Variants in LRRC17 observed in about 807,000 individuals in gnomAD.
The protein encoded by LRRC17 is leucine-rich repeat-containing protein 17.
LRRC17 carries 33 observed loss-of-function variants against 41.5 expected under a neutral mutation model. That is an observed-to-expected ratio of 0.80 (90% CI 0.60 to 1.06). The LOEUF (loss-of-function observed/expected upper bound fraction) is 1.06. LRRC17 is among the 50% of genes least tolerant of loss of function. LRRC17 has a pLI of 0.00. For synonymous variants in LRRC17, 192 were observed against 197.0 expected, an observed-to-expected ratio of 0.97 and a Z score of 0.21; for missense variants, 491 against 519.3, an observed-to-expected ratio of 0.95 and a Z score of 0.53.
intron 3 of LRRC17, among the ~76,000 whole-genome samples, chr7:102,940,680 G>C (rs960779670): frequency 6.6e-6 from 1 of 152,284 alleles, no homozygotes; most frequent in African/African-American, 2.4e-5. Flanking sequence ...TCTAGATCAA[G>C]ACCAATTCTC....
intron 1 of LRRC17, among the ~76,000 whole-genome samples, chr7:102,932,697 C>T (rs754525209): frequency 4.9e-4 from 74 of 152,112 alleles, no homozygotes; most frequent in Non-Finnish European, 9.4e-4. Context: ...CAGGCTCAGG[C>T]GATCCTTTCA....
intron 1 of LRRC17, among the ~76,000 whole-genome samples, chr7:102,913,834 A>T (rs1220381881): frequency 6.6e-6 from 1 of 152,244 alleles, no homozygotes; most frequent in East Asian, 1.9e-4. Context: ...TTAAGCATGG[A>T]TTAAGAAGAC....
chr7:102,914,440 G>C (rs1274142293), intron 1 of LRRC17, among the ~76,000 whole-genome samples: 1 of 152,166 alleles, frequency 6.6e-6, no homozygotes, highest in Non-Finnish European at 1.5e-5. Flanking sequence ...TAGCAATCAT[G>C]CTCTTAGTTT....
At chr7:102,913,404 A>T (rs1038354072) in intron 1 of LRRC17, among the ~76,000 whole-genome samples, 1 of 152,234 alleles carries the variant, frequency 6.6e-6, no homozygotes, top group Non-Finnish European at 1.5e-5. Flanking sequence ...GGTAACACAC[A>T]ATACATTTAA....
At chr7:102,931,926 A>G (rs769066510) in intron 1 of LRRC17, 5 of 1,613,742 alleles carry the variant, frequency 3.1e-6, no homozygotes, top group Non-Finnish European at 4.2e-6. Context: ...GCAAGTTCCT[A>G]CAGTGGCCTA....
intron 2 of LRRC17, chr7:102,936,159 A>G (rs1820272843): frequency 2.6e-5 from 4 of 152,072 alleles, no homozygotes; most frequent in Admixed American, 2.6e-4. Context: ...TGCCATAGGA[A>G]AGCAGTTACA....
chr7:102,924,881 G>A (rs1029988748), intron 1 of LRRC17, among the ~76,000 whole-genome samples: 13 of 151,728 alleles, frequency 8.6e-5, no homozygotes, highest in East Asian at 3.9e-4. Flanking sequence ...CACCCGCCCC[G>A]GCCTCCCAAA....
intron 1 of LRRC17, among the ~76,000 whole-genome samples, chr7:102,917,528 G>A (rs1466992024): frequency 6.6e-6 from 1 of 152,154 alleles, no homozygotes; most frequent in Non-Finnish European, 1.5e-5. Flanking sequence ...GAGACTTAAG[G>A]TGTGAAGGCT....
chr7:102,913,348 G>A, intron 1 of LRRC17: 1 of 1,047,880 alleles, frequency 9.5e-7, no homozygotes, highest in Non-Finnish European at 1.4e-6. Flanking sequence ...TAACTTTACT[G>A]TTAACTCTCT....
intron 1 of LRRC17, chr7:102,926,431 C>T: frequency 7.4e-7 from 1 of 1,359,198 alleles, no homozygotes. Context: ...TTGCAATTTC[C>T]CCATTATCTT....
chr7:102,929,037 TAC>T (rs1399846697), intron 1 of LRRC17, among the ~76,000 whole-genome samples: 1 of 152,240 alleles, frequency 6.6e-6, no homozygotes, highest in Non-Finnish European at 1.5e-5. Context: ...ATGCTTAGTT[TAC>T]AGTCTATGGT....
intron 1 of LRRC17, 162 bp from the exon 2 acceptor site, chr7:102,933,612 C>CAT: frequency 5.0e-6 from 1 of 201,716 alleles, no homozygotes; most frequent in Admixed American, 5.3e-5. Flanking sequence ...AGGGCACAAA[C>CAT]ATTTGGCCTC....
At chr7:102,917,521 A>G (rs1816144948) in intron 1 of LRRC17, among the ~76,000 whole-genome samples, 1 of 152,156 alleles carries the variant, frequency 6.6e-6, no homozygotes, top group Non-Finnish European at 1.5e-5. Context: ...AGATGGCGAG[A>G]CTTAAGGTGT....
At chr7:102,929,976 T>C (rs372801999) in intron 1 of LRRC17, among the ~76,000 whole-genome samples, 62 of 152,172 alleles carry the variant, frequency 4.1e-4, no homozygotes, top group African/African-American at 1.2e-3. Flanking sequence ...CCCGATAGCA[T>C]TGAAGAGTGT....
chr7:102,935,978 TA>T (rs1329343823), intron 2 of LRRC17, among the ~76,000 whole-genome samples: 2 of 152,092 alleles, frequency 1.3e-5, no homozygotes, highest in Middle Eastern at 3.2e-3. Context: ...GAACCAGAAG[TA>T]AATTTGCTCA....
intron 1 of LRRC17, chr7:102,931,741 T>A: frequency 1.5e-6 from 1 of 684,458 alleles, no homozygotes; most frequent in Non-Finnish European, 2.4e-6. Flanking sequence ...GAGTAAAATT[T>A]CTTGTCAATG....
intron 1 of LRRC17, among the ~76,000 whole-genome samples, chr7:102,917,565 G>A (rs779002252): frequency 2.0e-5 from 3 of 152,180 alleles, no homozygotes; most frequent in Non-Finnish European, 2.9e-5. Flanking sequence ...AAGGAGAAAG[G>A]CACTGCAGCT....
Position 102,933,953 on chromosome 7 carries a change from A to C in LRRC17, c.40A>C (p.Lys14Gln). Reference protein sequence around the residue: ...VTIVILLCFCKAAELRKASPG... With the variant: ...VTIVILLCFCQAAELRKASPG... ...CATTGTAATCTTGCTCTGCTTTTGCAAAGCGGCTGAGCTGCGCAAAGCAAG... is the reference window on the plus strand; with the variant it reads ...CATTGTAATCTTGCTCTGCTTTTGCCAAGCGGCTGAGCTGCGCAAAGCAAG... Residue 14 changes from lysine (K) to glutamine (Q), a missense_variant, in exon 2 of 4, where the codon AAA (lysine) becomes CAA (glutamine). Coordinates refer to ENST00000339431, the MANE Select transcript of LRRC17 (RefSeq NM_001031692.3). The C allele has an allele frequency of 6.2e-7, 1 of 1,612,848 alleles. No homozygotes were observed. Among genetic ancestry groups the C allele is most frequent in the Non-Finnish European group, 8.5e-7 (1 of 1,179,162 alleles).
intron 1 of LRRC17, 59 bp downstream of exon 1, chr7:102,913,204 T>C (rs201475001): frequency 4.3e-6 from 7 of 1,614,002 alleles, no homozygotes; most frequent in African/African-American, 1.3e-5. Flanking sequence ...ATTCTGTAAG[T>C]TGTGGAAGTG....
Sources: gnomAD v4.1 joint callset for allele counts (sites outside exome capture counted in the v4.1 genomes callset) on GRCh38, gnomAD v4.1.1 for gene constraint, MANE v1.5 for transcripts, NCBI Gene and HGNC (gene_info 2026-07-23, HGNC 2026-07-21) for gene names.